The following NCOR2 variants were observed in gnomAD, a reference collection of about 807,000 sequenced individuals.
NCOR2 encodes the protein nuclear receptor corepressor 2.
Under a neutral mutation model 262.9 loss-of-function variants are expected in NCOR2, and 81 were observed. The ratio of observed to expected loss-of-function variants is 0.31; its 90% CI spans 0.26 to 0.37. NCOR2 has a LOEUF of 0.37. NCOR2 is among the 10% of genes least tolerant of loss of function. The pLI is 1.00. For synonymous variants in NCOR2, 1,659 were observed against 1,559.3 expected, an observed-to-expected ratio of 1.06 and a Z score of -1.51; for missense variants, 3,385 against 3,621.4, an observed-to-expected ratio of 0.93 and a Z score of 1.68.
rs1054322084 is a variant in NCOR2, at chr12:124,472,847, C to G, written c.591+105G>C. The G allele has an allele frequency of 2.0e-6, 3 of 1,488,202 alleles. No individual in the cohort carries two copies. The African/African-American group carries it at 4.1e-5, about 21-fold the overall frequency. The allele number at this position is 1,488,202 out of a possible 1,614,324, so 92.2% of individuals were successfully genotyped here. ...TAAAGGGCATAAAAACCAGTGAGCA[C>G]CCAGGAACTTGGGAAGGGCTTGGCA... On this transcript the variant is annotated intron_variant, in intron 4 of 46. Coordinates refer to ENST00000405201, the Ensembl canonical transcript of NCOR2.
In NCOR2 at chr12:124,342,898, A is replaced by G. The variant is rs1593136275; in HGVS notation, c.4936+107T>C. On this transcript the variant is annotated intron_variant, in intron 33 of 46. Coordinates refer to ENST00000405201, the Ensembl canonical transcript of NCOR2. Reference sequence around the variant, plus strand: ...TCCCGAGGCCTCAGTTTCGCCATCCAGGGGAACCTGACAGTTGATGCCTAA... The same window carrying G: ...TCCCGAGGCCTCAGTTTCGCCATCCGGGGGAACCTGACAGTTGATGCCTAA... 17 of 1,259,478 alleles carry G rather than the reference A, an allele frequency of 1.3e-5. No individual in the cohort carries two copies. The East Asian group carries it at 4.3e-4, about 32-fold the overall frequency. The allele number at this position is 1,259,478 out of a possible 1,614,324, so 78.0% of individuals were successfully genotyped here.
Position 124,531,035 on chromosome 12 carries a change from C to T in NCOR2, c.-118+4530G>A, listed in dbSNP as rs1490761758. Reference sequence around the variant, plus strand: ...TGATGCCTGCTGTCCGGACAGGACACGGTTCCTGGGCTCCACCCAACCCGC... The same window carrying T: ...TGATGCCTGCTGTCCGGACAGGACATGGTTCCTGGGCTCCACCCAACCCGC... On this transcript the variant is annotated intron_variant, in intron 1 of 46. Coordinates refer to the NCOR2 transcript ENST00000404621. The surrounding 1 kb of genome is among the most constrained non-coding windows in gnomAD (Gnocchi z 4.5). Among the ~76,000 whole-genome samples the T allele has an allele frequency of 2.0e-5, 3 of 152,240 alleles. No individual in the cohort carries two copies. Among genetic ancestry groups the T allele is most frequent in the Non-Finnish European group, 4.4e-5 (3 of 68,008 alleles).
chr12:124,482,810 C>T lies in NCOR2; in HGVS notation c.411+786G>A, dbSNP rs1187001071. Among the ~76,000 whole-genome samples, 3 of 152,172 alleles carry T rather than the reference C, an allele frequency of 2.0e-5. No individual in the cohort carries two copies. The highest frequency in any genetic ancestry group is 1.9e-4 in the East Asian group (1 of 5,190). ...CTGGCTCCCCTGCCCAAAGTGCATC[C>T]GTGGTCCCTCAGGCCTGGGTGGCTG... On this transcript the variant is annotated intron_variant, in intron 3 of 46. Coordinates refer to ENST00000405201, the Ensembl canonical transcript of NCOR2. The surrounding 1 kb of genome is among the most constrained non-coding windows in gnomAD (Gnocchi z 6.3).
rs559103729 is a variant in NCOR2 at position 124,334,361 on chromosome 12, C to T, written c.6605+63G>A. On this transcript the variant is annotated intron_variant, in intron 41 of 46. Coordinates refer to ENST00000405201, the Ensembl canonical transcript of NCOR2. ...GCTGAGCTCAGACCCAGCTCTGAGGCAGGCAGCTGACGAAGGCCTCCCGCC... is the reference window on the plus strand; with the variant it reads ...GCTGAGCTCAGACCCAGCTCTGAGGTAGGCAGCTGACGAAGGCCTCCCGCC... 15 of 1,248,746 alleles carry T rather than the reference C, an allele frequency of 1.2e-5. No individual in the cohort carries two copies. In the South Asian group the frequency reaches 2.0e-4, roughly 17 times the overall value. The allele number at this position is 1,248,746 out of a possible 1,614,324, so 77.4% of individuals were successfully genotyped here.
At chr12:124,386,045 C>T (rs1178537874) in intron 16 of NCOR2, among the ~76,000 whole-genome samples, 158 bp from the exon 19 acceptor site, 1 of 152,174 alleles carries the variant, frequency 6.6e-6, no homozygotes, top group East Asian at 1.9e-4. Context: ...AGTGATGGGC[C>T]ACGTGTCCCC....
chr12:124,449,687 C>T (rs1313707214), intron 7 of NCOR2, 128 bp downstream of exon 9: 2 of 1,125,918 alleles, frequency 1.8e-6, no homozygotes, highest in Non-Finnish European at 2.6e-6. Context: ...CCTCCGGGAG[C>T]ACCTGGCCCT....
At chr12:124,332,847 C>T (rs1362394927) in intron 42 of NCOR2, among the ~76,000 whole-genome samples, 2 of 152,184 alleles carry the variant, frequency 1.3e-5, no homozygotes, top group African/African-American at 4.8e-5. Context: ...CCCAGCACAC[C>T]TAGCTCATTA....
chr12:124,489,386 A>C (rs1760900439), intron 1 of NCOR2, among the ~76,000 whole-genome samples: 1 of 152,240 alleles, frequency 6.6e-6, no homozygotes, highest in Non-Finnish European at 1.5e-5. Context: ...GCCCCACACA[A>C]AGACGAGAAA....
At chr12:124,408,681 C>CA (rs2042404780) in intron 13 of NCOR2, among the ~76,000 whole-genome samples, 1 of 152,002 alleles carries the variant, frequency 6.6e-6, no homozygotes, top group East Asian at 1.9e-4. Context: ...CCTGGGAGAT[C>CA]AAGGCTGCAG....
At chr12:124,452,056 C>T (rs960042592) in intron 6 of NCOR2, among the ~76,000 whole-genome samples, 4 of 152,206 alleles carry the variant, frequency 2.6e-5, no homozygotes, top group African/African-American at 4.8e-5. Context: ...CTCCCCGTGC[C>T]GGGTCAGGCT....
intron 10 of NCOR2, 52 bp downstream of exon 12, chr12:124,429,561 C>A: frequency 6.5e-7 from 1 of 1,539,980 alleles, no homozygotes; most frequent in Non-Finnish European, 8.8e-7. Flanking sequence ...TGCACCCTCA[C>A]GGGGGATGCC....
intron 5 of NCOR2, among the ~76,000 whole-genome samples, chr12:124,464,888 A>G (rs2046343699): frequency 6.6e-6 from 1 of 152,140 alleles, no homozygotes. Flanking sequence ...CTCTCCTATG[A>G]CTGTTACTAG....
At chr12:124,479,541 G>A (rs1261100685) in intron 3 of NCOR2, among the ~76,000 whole-genome samples, 3 of 150,824 alleles carry the variant, frequency 2.0e-5, no homozygotes, top group Admixed American at 6.6e-5. Flanking sequence ...ACACACACCC[G>A]CACCCACACA....
At position 124,445,700 on chromosome 12, in the gene NCOR2, T is replaced by C. The variant is rs573213621; in HGVS notation, c.815+4115A>G. The stretch of plus-strand genomic sequence containing the variant: ...ATTGTCCCATGGCGGCAGTCACTTA[T>C]CACAATGTATTTATTCTTATCAGCC... On this transcript the variant is annotated intron_variant, in intron 7 of 46. Transcript: ENST00000405201. 1.5e-4 allele frequency among the ~76,000 whole-genome samples: 23 copies of C among 152,314 alleles called. 1 individual carries two copies. Among genetic ancestry groups the C allele is most frequent in the African/African-American group, 5.5e-4 (23 of 41,572 alleles).
At chr12:124,477,598 C>T (rs1235063874) in intron 3 of NCOR2, among the ~76,000 whole-genome samples, 1 of 152,230 alleles carries the variant, frequency 6.6e-6, no homozygotes, top group Non-Finnish European at 1.5e-5. Context: ...ACGAGCTCTT[C>T]ACTTTAATGT....
At chr12:124,363,680 A>G in exon 21 of NCOR2, 1 of 1,307,170 alleles carries the variant, frequency 7.7e-7, no homozygotes, top group Non-Finnish European at 9.9e-7. Context: ...GGCACTCACG[A>G]TGGGGGGGAT....
intron 17 of NCOR2, among the ~76,000 whole-genome samples, chr12:124,380,069 G>T (rs112040016): frequency 6.6e-6 from 1 of 152,216 alleles, no homozygotes; most frequent in Non-Finnish European, 1.5e-5. Flanking sequence ...ACTTCCTTGC[G>T]GCAGCCAGGG....
chr12:124,512,679 C>T (rs911367202), intron 1 of NCOR2, among the ~76,000 whole-genome samples: 4 of 152,136 alleles, frequency 2.6e-5, no homozygotes, highest in South Asian at 2.1e-4. Context: ...CAAGCCCCAG[C>T]GGAACCCCAT....
intron 1 of NCOR2, among the ~76,000 whole-genome samples, chr12:124,489,328 A>G (rs1350922941): frequency 6.6e-6 from 1 of 152,248 alleles, no homozygotes; most frequent in Non-Finnish European, 1.5e-5. Flanking sequence ...TAAATATATT[A>G]GTTAATTTCA....
Sources: allele counts gnomAD v4.1 joint callset (sites outside exome capture counted in the v4.1 genomes callset), GRCh38; gene constraint gnomAD v4.1.1; non-coding constraint Gnocchi (gnomAD v3.1); transcripts MANE v1.5; gene names NCBI Gene and HGNC (gene_info 2026-07-23, HGNC 2026-07-21).